Variants in HSPA12B observed in about 807,000 individuals in gnomAD.
HSPA12B encodes heat shock 70 kDa protein 12B.
HSPA12B carries 54 observed loss-of-function variants against 69.3 expected under a neutral mutation model. The observed-to-expected ratio is 0.78, with a 90% CI of 0.63 to 0.98. HSPA12B has a LOEUF of 0.98. Ranked by LOEUF, HSPA12B falls within the 50% of genes least tolerant of loss-of-function variation. HSPA12B has a pLI of 0.00. For missense variants in HSPA12B, 929 were observed against 999.8 expected (o/e 0.93, Z 0.96); for synonymous variants, 441 against 436.5 (o/e 1.01, Z -0.13).
chr20:3,735,699 C>A (rs1424221296), intron 1 of HSPA12B, among the ~76,000 whole-genome samples: 1 of 152,154 alleles, frequency 6.6e-6, no homozygotes, highest in Non-Finnish European at 1.5e-5. Flanking sequence ...TTCCTGACCT[C>A]AGGTGATCCA....
In HSPA12B at chr20:3,745,200, T is replaced by C. The variant is rs2088275977; in HGVS notation, c.453+112T>C. Reference sequence around the variant, plus strand: ...TGTGAGGACCGGCCCGATGGAGTCGTGGCTGAGAGGGGGCGGGGCTAAAGG... The same window carrying C: ...TGTGAGGACCGGCCCGATGGAGTCGCGGCTGAGAGGGGGCGGGGCTAAAGG... On this transcript the variant is annotated intron_variant, in intron 5 of 12. Transcript: ENST00000254963. The surrounding 1 kb of genome is among the most constrained non-coding windows in gnomAD (Gnocchi z 5.6). The C allele has an allele frequency of 7.0e-6, 7 of 999,606 alleles. No individual in the cohort carries two copies. The South Asian group carries it at 9.2e-5, about 13-fold the overall frequency. 61.9% of individuals were successfully genotyped at this position (999,606 alleles called of 1,614,324 possible).
At position 3,737,819 on chromosome 20, in the gene HSPA12B, A is replaced by G. The variant is rs1171990823; in HGVS notation, c.-17-839A>G. On this transcript the variant is annotated intron_variant, in intron 1 of 12. Transcript: ENST00000254963. The surrounding 1 kb of genome is among the most constrained non-coding windows in gnomAD (Gnocchi z 4.1). ...GGAGTTCGAGAACAGCCTGGCCAACACGGCGAAACCCCGTCTCTACTAAAA... is the reference window on the plus strand; with the variant it reads ...GGAGTTCGAGAACAGCCTGGCCAACGCGGCGAAACCCCGTCTCTACTAAAA... Among the ~76,000 whole-genome samples the G allele has an allele frequency of 6.6e-6, 1 of 152,192 alleles. No homozygotes were observed. The highest frequency in any genetic ancestry group is 1.5e-5 in the Non-Finnish European group (1 of 68,040).
Position 3,748,398 on chromosome 20 carries a change from T to G in HSPA12B, c.850+7T>G. 1 of 1,579,704 alleles carries G rather than the reference T, an allele frequency of 6.3e-7. No homozygotes were observed. Among genetic ancestry groups the G allele is most frequent in the Non-Finnish European group, 8.6e-7 (1 of 1,165,142 alleles). On this transcript the variant is annotated splice_region_variant and intron_variant, in intron 8 of 12. Transcript: ENST00000254963. ...GACTCCAGCTTCCGTCAGGGTGAGC[T>G]GCCCCCGGGGACACCACCCACCCCT...
chr20:3,751,280 C>T (rs1286791352), intron 12 of HSPA12B: 1 of 985,366 alleles, frequency 1.0e-6, no homozygotes, highest in Non-Finnish European at 1.2e-6. Context: ...TCGTCCTCCA[C>T]GTCGTGGTGG....
In HSPA12B at chr20:3,740,694, A is replaced by G; in HGVS notation, c.44-121A>G. 1 of 753,170 alleles carries G rather than the reference A, an allele frequency of 1.3e-6. No individual in the cohort carries two copies. The highest frequency in any genetic ancestry group is 2.3e-6 in the Non-Finnish European group (1 of 434,672). The allele number at this position is 753,170 out of a possible 1,614,324, so 46.7% of individuals were successfully genotyped here. ...ACACCCCGCAGTCCTCCTCCCCAGC[A>G]GAGAGCCCTTTGCCTTAGCCCAGCA... On this transcript the variant is annotated intron_variant, in intron 2 of 12. Transcript: ENST00000254963. The surrounding 1 kb of genome is among the most constrained non-coding windows in gnomAD (Gnocchi z 4.9).
At chr20:3,747,123 G>T (rs1164855488) in intron 7 of HSPA12B, among the ~76,000 whole-genome samples, 2 of 151,094 alleles carry the variant, frequency 1.3e-5, no homozygotes, top group East Asian at 1.9e-4. Flanking sequence ...GCAAGGAGTT[G>T]GGGGGGGCTC....
Position 3,749,441 on chromosome 20 carries a change from C to T in HSPA12B, c.937+123C>T. 2.2e-6 allele frequency: 2 copies of T among 909,268 alleles called. No homozygotes were observed. The highest frequency in any genetic ancestry group is 3.4e-6 in the Non-Finnish European group (2 of 590,258). 56.3% of individuals were successfully genotyped at this position (909,268 alleles called of 1,614,324 possible). A position where few individuals can be genotyped will look rare whatever the true frequency, so the allele number is the denominator to read the frequency against. ...CTCCATTCGCTGTACCCAACCTGGC[C>T]GTCCCCTCACAGTCACCCGCACCCC... On this transcript the variant is annotated intron_variant, in intron 9 of 12. Transcript: ENST00000254963. This position sits in a 1 kb window ranked among gnomAD's most constrained non-coding sequence, Gnocchi z 5.5.
Position 3,745,595 on chromosome 20 carries a change from C to T in HSPA12B, c.556C>T (p.Gln186Ter). Residue 186 changes from glutamine to a stop codon, truncating the protein, a stop_gained and splice_region_variant, in exon 6 of 13, where the codon CAG becomes TAG. Coordinates refer to ENST00000254963, the MANE Select transcript of HSPA12B (RefSeq NM_052970.5). LOFTEE classifies it high-confidence loss of function. This position sits in a 1 kb window ranked among gnomAD's most constrained non-coding sequence, Gnocchi z 5.6. ...GCGCTTCTTCAGGGAGCACGCCCTT[C>T]AGGTGCGCTGCGGCCCCACCTCTGC... Reference protein sequence around the residue: ...ALRFFREHALQELREQSPSLP... With the variant: ...ALRFFREHAL 6.2e-7 allele frequency: 1 copy of T among 1,613,350 alleles called. No homozygotes were observed. Among genetic ancestry groups the T allele is most frequent in the Non-Finnish European group, 8.5e-7 (1 of 1,179,346 alleles).
In HSPA12B at chr20:3,737,260, C is replaced by T. The variant is rs951940960; in HGVS notation, c.-17-1398C>T. Among the ~76,000 whole-genome samples, 4 of 152,090 alleles carry T rather than the reference C, an allele frequency of 2.6e-5. No homozygotes were observed. Among genetic ancestry groups the T allele is most frequent in the Non-Finnish European group, 5.9e-5 (4 of 68,018 alleles). ...TTGAAATATCCTGCCTATAGCCTGG[C>T]CCCAGAACTTCATAGACAGGATCGA... On this transcript the variant is annotated intron_variant, in intron 1 of 12. Coordinates refer to ENST00000254963, the MANE Select transcript of HSPA12B (RefSeq NM_052970.5). The surrounding 1 kb of genome is among the most constrained non-coding windows in gnomAD (Gnocchi z 4.1).
At chr20:3,748,099 T>C in intron 7 of HSPA12B, 118 bp from the exon 8 acceptor site, 1 of 904,192 alleles carries the variant, frequency 1.1e-6, no homozygotes, top group Non-Finnish European at 1.6e-6. Context: ...CTAACATGGG[T>C]GGGGTGTGAT....
rs527497915 is a variant in HSPA12B, at chr20:3,752,433, A to G, written c.*267A>G. 1 of 358,688 alleles carries G rather than the reference A, an allele frequency of 2.8e-6. No homozygotes were observed. The highest frequency in any genetic ancestry group is 5.0e-6 in the Non-Finnish European group (1 of 199,516). The allele number at this position is 358,688 out of a possible 1,614,324, so 22.2% of individuals were successfully genotyped here. A position where few individuals can be genotyped will look rare whatever the true frequency, so the allele number is the denominator to read the frequency against. ...GGGTAAGAGAAGAGGTTTGCAAGACAGAGCGCGCAGCCCGGCAAGGGGCAT... is the reference window on the plus strand; with the variant it reads ...GGGTAAGAGAAGAGGTTTGCAAGACGGAGCGCGCAGCCCGGCAAGGGGCAT... On this transcript the variant is annotated 3_prime_UTR_variant, in exon 13 of 13. Coordinates refer to ENST00000254963, the MANE Select transcript of HSPA12B (RefSeq NM_052970.5).
At chr20:3,735,780 T>C (rs1300049881) in intron 1 of HSPA12B, among the ~76,000 whole-genome samples, 1 of 152,250 alleles carries the variant, frequency 6.6e-6, no homozygotes, top group East Asian at 1.9e-4. Flanking sequence ...GTCTTTTTTT[T>C]CTGGTGGTTC....
chr20:3,738,772 C>T (rs1319011204), intron 2 of HSPA12B, 55 bp downstream of exon 2: 8 of 1,586,948 alleles, frequency 5.0e-6, no homozygotes, highest in South Asian at 1.1e-5. Context: ...CGAGCAGGCA[C>T]TGAGACCCAC....
chr20:3,749,283 C>A lies in HSPA12B; in HGVS notation c.902C>A (p.Ser301Ter). Residue 301 changes from serine to a stop codon, truncating the protein, a stop_gained, in exon 9 of 13, where the codon TCA becomes TAA. Coordinates refer to ENST00000254963, the MANE Select transcript of HSPA12B (RefSeq NM_052970.5). LOFTEE classifies it high-confidence loss of function. The surrounding 1 kb of genome is among the most constrained non-coding windows in gnomAD (Gnocchi z 5.5). Reference sequence around the variant, plus strand: ...CACAGCCGCACGTTCCTGGTGGAGTCAGGCGTAGGAGAGCTGTGGGCAGAG... The same window carrying A: ...CACAGCCGCACGTTCCTGGTGGAGTAAGGCGTAGGAGAGCTGTGGGCAGAG... ...SRHSRTFLVE[S>*]GVGELWAEMQ... is the part of the protein sequence containing the mutation. The A allele has an allele frequency of 6.2e-7, 1 of 1,613,762 alleles. No homozygotes were observed. The highest frequency in any genetic ancestry group is 8.5e-7 in the Non-Finnish European group (1 of 1,179,908).
In HSPA12B at chr20:3,740,694, A is replaced by T; in HGVS notation, c.44-121A>T. The T allele has an allele frequency of 1.3e-6, 1 of 753,170 alleles. No individual in the cohort carries two copies. The highest frequency in any genetic ancestry group is 2.1e-5 in the Admixed American group (1 of 48,604). 46.7% of individuals were successfully genotyped at this position (753,170 alleles called of 1,614,324 possible). A position where few individuals can be genotyped will look rare whatever the true frequency, so the allele number is the denominator to read the frequency against. ...ACACCCCGCAGTCCTCCTCCCCAGC[A>T]GAGAGCCCTTTGCCTTAGCCCAGCA... On this transcript the variant is annotated intron_variant, in intron 2 of 12. Coordinates refer to ENST00000254963, the MANE Select transcript of HSPA12B (RefSeq NM_052970.5). The surrounding 1 kb of genome is among the most constrained non-coding windows in gnomAD (Gnocchi z 4.9).
At position 3,740,438 on chromosome 20, in the gene HSPA12B, A is replaced by G. The variant is rs556481779; in HGVS notation, c.44-377A>G. ...AAGGAGGAGGGCTTCTCTCTCCTCT[A>G]CTCCCTCCCAGGAGCTCACCTGCCC... On this transcript the variant is annotated intron_variant, in intron 2 of 12. Coordinates refer to ENST00000254963, the MANE Select transcript of HSPA12B (RefSeq NM_052970.5). This position sits in a 1 kb window ranked among gnomAD's most constrained non-coding sequence, Gnocchi z 4.9. Among the ~76,000 whole-genome samples the G allele has an allele frequency of 6.6e-6, 1 of 150,378 alleles. No homozygotes were observed.
chr20:3,739,720 G>T lies in HSPA12B; in HGVS notation c.43+1003G>T, dbSNP rs2088166703. 6.6e-5 allele frequency among the ~76,000 whole-genome samples: 10 copies of T among 152,304 alleles called. No homozygotes were observed. In the South Asian group the frequency reaches 1.9e-3, roughly 28 times the overall value. On this transcript the variant is annotated intron_variant, in intron 2 of 12. Coordinates refer to ENST00000254963, the MANE Select transcript of HSPA12B (RefSeq NM_052970.5). ...CCCTCATGCCTGGCCCTTCGCCTGT[G>T]TTCCCAGGTTACCCCCAAGGCCAGG...
chr20:3,734,734 A>G (rs1600304389), intron 1 of HSPA12B, among the ~76,000 whole-genome samples: 1 of 131,232 alleles, frequency 7.6e-6, no homozygotes, highest in African/African-American at 2.9e-5. Context: ...CTTCTTTAAC[A>G]CAATTTTTTT....
chr20:3,749,136 G>T lies in HSPA12B; in HGVS notation c.851-96G>T. The T allele has an allele frequency of 9.4e-7, 1 of 1,058,762 alleles. No homozygotes were observed. Among genetic ancestry groups the T allele is most frequent in the African/African-American group, 1.6e-5 (1 of 64,048 alleles). 65.6% of individuals were successfully genotyped at this position (1,058,762 alleles called of 1,614,324 possible). ...GTTTCAGGAGCACTGGCTGCTCCCAGTGCCCATGGAGGTCCTGGGCAGGAG... is the reference window on the plus strand; with the variant it reads ...GTTTCAGGAGCACTGGCTGCTCCCATTGCCCATGGAGGTCCTGGGCAGGAG... On this transcript the variant is annotated intron_variant, in intron 8 of 12. Coordinates refer to ENST00000254963, the MANE Select transcript of HSPA12B (RefSeq NM_052970.5). The surrounding 1 kb of genome is among the most constrained non-coding windows in gnomAD (Gnocchi z 5.5).
Sources: allele counts gnomAD v4.1 joint callset (sites outside exome capture counted in the v4.1 genomes callset), GRCh38; gene constraint gnomAD v4.1.1; non-coding constraint Gnocchi (gnomAD v3.1); transcripts MANE v1.5; gene names NCBI Gene and HGNC (gene_info 2026-07-23, HGNC 2026-07-21).